CDKN2A: variants seen among roughly 807,000 people sequenced by gnomAD.
CDKN2A encodes cyclin-dependent kinase inhibitor 2A.
CDKN2A carries 3 observed loss-of-function variants against 11.1 expected under a neutral mutation model. The ratio of observed to expected loss-of-function variants is 0.27; its 90% CI spans 0.12 to 0.70. The LOEUF (loss-of-function observed/expected upper bound fraction) is 0.70. Among genes scored for constraint, CDKN2A ranks in the 30% least tolerant of loss-of-function variants. CDKN2A has a pLI of 0.77. For missense variants in CDKN2A, 265 were observed against 233.6 expected (o/e 1.13, Z -0.88); for synonymous variants, 122 against 108.1 (o/e 1.13, Z -0.80).
intron 2 of CDKN2A, among the ~76,000 whole-genome samples, chr9:21,986,361 T>A (rs1415273964): frequency 6.6e-6 from 1 of 152,042 alleles, no homozygotes. Flanking sequence ...TTTTGAAAGA[T>A]GTTAACCTCC....
Position 21,981,852 on chromosome 9 carries a change from A to G in CDKN2A, c.-3-10644T>C, listed in dbSNP as rs1184124217. Among the ~76,000 whole-genome samples, 6 of 152,256 alleles carry G rather than the reference A, an allele frequency of 3.9e-5. No individual in the cohort carries two copies. In the East Asian group the frequency reaches 1.2e-3, roughly 29 times the overall value. The stretch of plus-strand genomic sequence containing the variant: ...ATAATTGCAAGGTATTTAATTACTT[A>G]TGTTCCACAAGGAAAAAAGATAGCT... On this transcript the variant is annotated intron_variant, in intron 2 of 3. Coordinates refer to the CDKN2A transcript ENST00000494262.
upstream of CDKN2A, chr9:21,975,036 G>A (rs1455663867): frequency 1.4e-5 from 19 of 1,378,126 alleles, no homozygotes; most frequent in Non-Finnish European, 1.8e-5. Context: ...AGTGCTCGGA[G>A]GAGGTGCTAT....
In CDKN2A at chr9:21,995,262, G is replaced by A. The variant is rs1820596867; in HGVS notation, c.-617C>T. ...GGCGCCTGGCTGGGACAAGCACCGA[G>A]TCCTTTGTGTCTAGCCCATTTTTAT... On this transcript the variant is annotated 5_prime_UTR_variant, in exon 1 of 4. Transcript: ENST00000494262. This position sits in a 1 kb window ranked among gnomAD's most constrained non-coding sequence, Gnocchi z 5.7. 2 of 152,278 alleles carry A rather than the reference G, an allele frequency of 1.3e-5. No individual in the cohort carries two copies. The highest frequency in any genetic ancestry group is 6.5e-5 in the Admixed American group (1 of 15,292). The allele number at this position is 152,278 out of a possible 1,614,324, so 9.4% of individuals were successfully genotyped here. A position where few individuals can be genotyped will look rare whatever the true frequency, so the allele number is the denominator to read the frequency against.
chr9:21,988,615 A>C lies in CDKN2A; in HGVS notation c.-4+5267T>G, dbSNP rs747243470. Among the ~76,000 whole-genome samples, 13 of 152,112 alleles carry C rather than the reference A, an allele frequency of 8.5e-5. No homozygotes were observed. The highest frequency in any genetic ancestry group is 1.5e-4 in the Non-Finnish European group (10 of 68,018). Reference sequence around the variant, plus strand: ...GGACTACTAGATGGAGGAGAAAGGGAATGAGCGAGGGCTGAAATACTACCT... The same window carrying C: ...GGACTACTAGATGGAGGAGAAAGGGCATGAGCGAGGGCTGAAATACTACCT... On this transcript the variant is annotated intron_variant, in intron 2 of 3. Transcript: ENST00000494262. The surrounding 1 kb of genome is among the most constrained non-coding windows in gnomAD (Gnocchi z 4.1).
intron 2 of CDKN2A, among the ~76,000 whole-genome samples, chr9:21,990,983 T>C (rs1222632360): frequency 6.6e-6 from 1 of 152,324 alleles, no homozygotes; most frequent in East Asian, 1.9e-4. Context: ...GGGCAACAAA[T>C]AGAGAAGATA....
chr9:21,988,461 C>T lies in CDKN2A; in HGVS notation c.-4+5421G>A, dbSNP rs1432875395. On this transcript the variant is annotated intron_variant, in intron 2 of 3. Coordinates refer to the CDKN2A transcript ENST00000494262. This position sits in a 1 kb window ranked among gnomAD's most constrained non-coding sequence, Gnocchi z 4.1. The stretch of plus-strand genomic sequence containing the variant: ...TTGTAGAGTTCTGCCCAAATGAAAC[C>T]ATCATTCCAGGGCTCATGAATTAAA... Among the ~76,000 whole-genome samples the T allele has an allele frequency of 6.6e-6, 1 of 152,024 alleles. No individual in the cohort carries two copies. The highest frequency in any genetic ancestry group is 1.5e-5 in the Non-Finnish European group (1 of 67,994).
intron 2 of CDKN2A, chr9:21,970,335 C>G: frequency 3.9e-6 from 1 of 257,098 alleles, no homozygotes; most frequent in Non-Finnish European, 7.5e-6. Flanking sequence ...TCCTGATGTC[C>G]CCAGAACCCC....
chr9:21,986,111 TGA>T (rs1192192611), intron 2 of CDKN2A, among the ~76,000 whole-genome samples: 1 of 152,044 alleles, frequency 6.6e-6, no homozygotes, highest in Non-Finnish European at 1.5e-5. Flanking sequence ...ATGAAAGCAC[TGA>T]GAGTTTCTCA....
upstream of CDKN2A, chr9:21,975,112 C>T (rs1819985182): frequency 5.6e-6 from 7 of 1,257,122 alleles, no homozygotes; most frequent in African/African-American, 1.6e-5. Flanking sequence ...CCCCCGGGGG[C>T]ACCAGCCGGA....
At chr9:21,975,090 C>G (rs1369333110), upstream of CDKN2A, 1 of 1,298,148 alleles carries the variant, frequency 7.7e-7, no homozygotes, top group Non-Finnish European at 9.7e-7. Flanking sequence ...GAAGTCGCCC[C>G]AGGTTGGGTC....
intron 2 of CDKN2A, among the ~76,000 whole-genome samples, chr9:21,987,354 G>C (rs3731207): frequency 6.8e-6 from 1 of 146,536 alleles, no homozygotes; most frequent in Non-Finnish European, 1.5e-5. Context: ...TGTTTATTAC[G>C]AGCCTGGTCT....
rs71336508 is a variant in CDKN2A, at chr9:21,993,799, C to CTGTGTGTG, written c.-4+75_-4+82dup. ...GTGTGCTTGAAATACACCTTTCCTA[C>CTGTGTGTG]TGTGTGTGTGTGTGTGTGTGTGTGT... On this transcript the variant is annotated intron_variant, in intron 2 of 3. Coordinates refer to the CDKN2A transcript ENST00000494262. 3.8e-3 allele frequency: 941 copies of CTGTGTGTG among 247,448 alleles called. 3 individuals carry two copies. The highest frequency in any genetic ancestry group is 5.0e-3 in the Admixed American group (96 of 19,172). The allele number at this position is 247,448 out of a possible 1,614,324, so 15.3% of individuals were successfully genotyped here.
rs2131079285 is a variant in CDKN2A at position 21,968,215 on chromosome 9, C to T, written c.*14G>A. ...CTAAGTTTCCCGAGGTTTCTCAGAG[C>T]CTCTCTGGTTCTTTCAATCGGGGAT... On this transcript the variant is annotated 3_prime_UTR_variant, in exon 3 of 3. Coordinates refer to ENST00000304494, the MANE Select transcript of CDKN2A (RefSeq NM_000077.5). The surrounding 1 kb of genome is among the most constrained non-coding windows in gnomAD (Gnocchi z 4.7). 2 of 1,613,426 alleles carry T rather than the reference C, an allele frequency of 1.2e-6. No homozygotes were observed. The highest frequency in any genetic ancestry group is 1.7e-6 in the Non-Finnish European group (2 of 1,179,662).
At chr9:21,982,610 ATATG>A (rs1301223490) in intron 2 of CDKN2A, among the ~76,000 whole-genome samples, 2 of 152,102 alleles carry the variant, frequency 1.3e-5, no homozygotes, top group African/African-American at 4.8e-5. Flanking sequence ...TATTTGGTAT[ATATG>A]TATATTATGT....
At position 21,970,958 on chromosome 9, in the gene CDKN2A, G is replaced by A. The variant is rs757497674; in HGVS notation, c.401C>T (p.Ala134Val). 3 of 1,611,644 alleles carry A rather than the reference G, an allele frequency of 1.9e-6. No individual in the cohort carries two copies. The highest frequency in any genetic ancestry group is 1.7e-6 in the Non-Finnish European group (2 of 1,180,028). The change falls in exon 2 of 3, where the codon GCG (alanine) becomes GTG (valine). Residue 134 changes from alanine (A) to valine (V), a missense_variant. Transcript: ENST00000304494. Reference protein sequence around the residue: ...RDVARYLRAAAGGTRGSNHAR... With the variant: ...RDVARYLRAAVGGTRGSNHAR... ...ATGGTTACTGCCTCTGGTGCCCCCC[G>A]CAGCCGCGCGCAGGTACCGTGCGAC...
At position 21,968,440 on chromosome 9, in the gene CDKN2A, T is replaced by C. The variant is rs898314859; in HGVS notation, c.458-198A>G. On this transcript the variant is annotated intron_variant, in intron 2 of 2. Coordinates refer to ENST00000304494, the MANE Select transcript of CDKN2A (RefSeq NM_000077.5). The surrounding 1 kb of genome is among the most constrained non-coding windows in gnomAD (Gnocchi z 4.7). ...TCCAGCAGCTAGTCCACTGCCCGCC[T>C]GGCTGCTCCAGGCGCGCCGACCGCT... The C allele has an allele frequency of 4.0e-6, 6 of 1,498,678 alleles. No individual in the cohort carries two copies. The highest frequency in any genetic ancestry group is 2.4e-4 in the Middle Eastern group (1 of 4,176). 92.8% of individuals were successfully genotyped at this position (1,498,678 alleles called of 1,614,324 possible). A position where few individuals can be genotyped will look rare whatever the true frequency, so the allele number is the denominator to read the frequency against.
chr9:21,971,594 T>TTTTTTTTTTTTTTTTTTTTTTTTTTTTA (rs1554654344), intron 1 of CDKN2A, among the ~76,000 whole-genome samples: 1 of 141,512 alleles, frequency 7.1e-6, no homozygotes, highest in African/African-American at 2.6e-5. Context: ...TTTTTTTTTG[T>TTTTTTTTTTTTTTTTTTTTTTTTTTTTA]TCACTGCTGT....
chr9:21,973,147 G>T (rs2131104534), intron 1 of CDKN2A, among the ~76,000 whole-genome samples: 1 of 151,970 alleles, frequency 6.6e-6, no homozygotes, highest in African/African-American at 2.4e-5. Flanking sequence ...TAGCCTTAAA[G>T]GTTTTTCTTA....
chr9:21,968,823 T>A lies in CDKN2A; in HGVS notation c.458-581A>T. On this transcript the variant is annotated intron_variant, in intron 2 of 2. Coordinates refer to ENST00000304494, the MANE Select transcript of CDKN2A (RefSeq NM_000077.5). This position sits in a 1 kb window ranked among gnomAD's most constrained non-coding sequence, Gnocchi z 4.7. ...TCATGTGCTCTGGCTTCTGCCTTCC[T>A]CTCTAATCTCGTTGCGTATGGGCTC... 6.6e-7 allele frequency: 1 copy of A among 1,523,482 alleles called. No individual in the cohort carries two copies. Among genetic ancestry groups the A allele is most frequent in the South Asian group, 1.2e-5 (1 of 83,798 alleles). The allele number at this position is 1,523,482 out of a possible 1,614,324, so 94.4% of individuals were successfully genotyped here. A position where few individuals can be genotyped will look rare whatever the true frequency, so the allele number is the denominator to read the frequency against.
Sources: allele counts gnomAD v4.1 joint callset (sites outside exome capture counted in the v4.1 genomes callset), GRCh38; gene constraint gnomAD v4.1.1; non-coding constraint Gnocchi (gnomAD v3.1); transcripts MANE v1.5; gene names NCBI Gene and HGNC (gene_info 2026-07-23, HGNC 2026-07-21).